The following COCH variants were observed in gnomAD, a reference collection of about 807,000 sequenced individuals.
COCH encodes coagulation factor C homolog, cochlin (Limulus polyphemus).
COCH carries 40 observed loss-of-function variants against 54.8 expected under a neutral mutation model. The ratio of observed to expected loss-of-function variants is 0.73; its 90% confidence interval spans 0.57 to 0.95. The LOEUF (loss-of-function observed/expected upper bound fraction) is 0.95. Among genes scored for constraint, COCH ranks in the 40% least tolerant of loss-of-function variants. The pLI, the probability that COCH is intolerant of heterozygous loss-of-function variation, is 0.00. For synonymous variants in COCH, 256 were observed against 237.9 expected, an observed-to-expected ratio of 1.08 and a Z score of -0.70; for missense variants, 605 against 675.0, an observed-to-expected ratio of 0.90 and a Z score of 1.15.
intron 8 of COCH, among the ~76,000 whole-genome samples, chr14:30,881,705 TCCCAG>T (rs1209646913): frequency 6.6e-6 from 1 of 152,148 alleles, no homozygotes; most frequent in Non-Finnish European, 1.5e-5. Context: ...ACGCCTGTAA[TCCCAG>T]CACTTTGGGA....
downstream of COCH, chr14:30,895,334 G>C: frequency 6.9e-7 from 1 of 1,444,358 alleles, no homozygotes; most frequent in Non-Finnish European, 9.2e-7. Context: ...TGTCATATCA[G>C]TAACCTTTCT....
downstream of COCH, chr14:30,894,619 T>C (rs530290836): frequency 6.4e-6 from 1 of 155,278 alleles, no homozygotes; most frequent in East Asian, 1.9e-4. Flanking sequence ...CCTTGGTTTA[T>C]GAAGACATTT....
At chr14:30,886,395 A>G in intron 11 of COCH, 83 bp downstream of exon 11, 1 of 1,450,488 alleles carries the variant, frequency 6.9e-7, no homozygotes, top group Non-Finnish European at 9.5e-7. Flanking sequence ...TTAAGCATTT[A>G]TTTCATTAAA....
chr14:30,894,205 ATCCTATTTGTAATGCAAATAAAACTTTAC>A (rs1298916903), downstream of COCH: 2 of 152,402 alleles, frequency 1.3e-5, 1 homozygote, highest in Admixed American at 1.3e-4. Context: ...CTATTTTTGT[ATCCTATTTGTAATGCAAATAAAACTTTAC>A]TCCAAATATT....
At chr14:30,888,564 T>A (rs1222130240) in intron 11 of COCH, among the ~76,000 whole-genome samples, 1 of 152,044 alleles carries the variant, frequency 6.6e-6, no homozygotes, top group Non-Finnish European at 1.5e-5. Flanking sequence ...GATGGATCGC[T>A]TGAGCCCTGG....
At chr14:30,880,153 C>A (rs1895520238) in intron 6 of COCH, among the ~76,000 whole-genome samples, 1 of 152,084 alleles carries the variant, frequency 6.6e-6, no homozygotes, top group African/African-American at 2.4e-5. Context: ...ATGACGATGG[C>A]AGTTTTAAAG....
At chr14:30,876,624 G>T (rs1180011185) in intron 3 of COCH, 1 of 152,134 alleles carries the variant, frequency 6.6e-6, no homozygotes, top group Non-Finnish European at 1.5e-5. Context: ...TCCTTAATGT[G>T]TGAGTTTAAG....
intron 4 of COCH, among the ~76,000 whole-genome samples, chr14:30,878,162 T>G (rs574063793): frequency 6.6e-6 from 1 of 152,328 alleles, no homozygotes; most frequent in South Asian, 2.1e-4. Context: ...TGTAGTAGAA[T>G]AGCCAGTATA....
intron 9 of COCH, chr14:30,885,121 T>C (rs989061391): frequency 5.2e-6 from 8 of 1,535,716 alleles, no homozygotes; most frequent in East Asian, 2.2e-5. Flanking sequence ...TAACTGGCGA[T>C]TGATGTGGGG....
Position 30,885,477 on chromosome 14 carries a change from T to A in COCH, c.817T>A (p.Phe273Ile). 6.2e-7 allele frequency: 1 copy of A among 1,614,046 alleles called. No homozygotes were observed. Among genetic ancestry groups the A allele is most frequent in the South Asian group, 1.1e-5 (1 of 91,082 alleles). Reference sequence around the variant, plus strand: ...AGGGATCCCCAAAGTGGTGGTGGTATTTATTGATGGTTGGCCTTCTGATGA... The same window carrying A: ...AGGGATCCCCAAAGTGGTGGTGGTAATTATTGATGGTTGGCCTTCTGATGA... ...RKGIPKVVVV[F>I]IDGWPSDDIE... The change falls in exon 10 of 12, where the codon TTT becomes ATT. Residue 273 changes from phenylalanine (F) to isoleucine (I), a missense_variant. Transcript: ENST00000396618.
At chr14:30,891,125 GTATAAGA>G (rs1465344135), downstream of COCH, among the ~76,000 whole-genome samples, 1 of 152,172 alleles carries the variant, frequency 6.6e-6, no homozygotes, top group Non-Finnish European at 1.5e-5. Flanking sequence ...TGATTAAACA[GTATAAGA>G]TATTTTTGAG....
rs763128337 is a variant in COCH, at chr14:30,885,008, A to C, written c.733+352A>C. On this transcript the variant is annotated intron_variant, in intron 9 of 11. Coordinates refer to ENST00000396618, the MANE Select transcript of COCH (RefSeq NM_004086.3). ...AGATGTGGCAGAAAGAATGAGTAGC[A>C]CTACCGTTGACTCTGAAGAGAGACT... 3 of 1,598,438 alleles carry C rather than the reference A, an allele frequency of 1.9e-6. No homozygotes were observed. In the South Asian group the frequency reaches 3.3e-5, roughly 18 times the overall value.
chr14:30,882,469 T>TA (rs1895646583), intron 8 of COCH, among the ~76,000 whole-genome samples: 2 of 152,118 alleles, frequency 1.3e-5, no homozygotes, highest in African/African-American at 4.8e-5. Context: ...GTATTATTTT[T>TA]TAAAAACTCA....
At chr14:30,882,083 C>G (rs1363093456) in intron 8 of COCH, among the ~76,000 whole-genome samples, 1 of 140,670 alleles carries the variant, frequency 7.1e-6, no homozygotes, top group Non-Finnish European at 1.5e-5. Context: ...AAGAAATGCT[C>G]TAAATCATAT....
At chr14:30,886,799 C>T (rs1253996880) in intron 11 of COCH, among the ~76,000 whole-genome samples, 1 of 152,134 alleles carries the variant, frequency 6.6e-6, no homozygotes, top group Non-Finnish European at 1.5e-5. Flanking sequence ...TGAGCTACAA[C>T]CTCCAACTAT....
At chr14:30,881,951 A>G (rs1035452595) in intron 8 of COCH, among the ~76,000 whole-genome samples, 2 of 151,422 alleles carry the variant, frequency 1.3e-5, no homozygotes, top group African/African-American at 2.4e-5. Flanking sequence ...GCAACAGAGC[A>G]AGACTCTGTT....
Position 30,885,487 on chromosome 14 carries a change from G to A in COCH, c.827G>A (p.Gly276Asp). 4 of 1,613,916 alleles carry A rather than the reference G, an allele frequency of 2.5e-6. No individual in the cohort carries two copies. Among genetic ancestry groups the A allele is most frequent in the Non-Finnish European group, 3.4e-6 (4 of 1,179,766 alleles). The change falls in exon 10 of 12, where the codon GGT becomes GAT. Residue 276 changes from glycine (G) to aspartate (D), a missense_variant. Coordinates refer to ENST00000396618, the MANE Select transcript of COCH (RefSeq NM_004086.3). The stretch of plus-strand genomic sequence containing the variant: ...AAAGTGGTGGTGGTATTTATTGATG[G>A]TTGGCCTTCTGATGACATCGAGGAA... ...IPKVVVVFID[G>D]WPSDDIEEAG...
chr14:30,892,551 G>T (rs752183877), downstream of COCH, among the ~76,000 whole-genome samples: 2 of 152,080 alleles, frequency 1.3e-5, no homozygotes, highest in Admixed American at 6.5e-5. Context: ...TGTAATCCCA[G>T]CCAGCACTTT....
chr14:30,889,555 C>G, intron 11 of COCH, 61 bp from the exon 12 acceptor site: 1 of 1,415,144 alleles, frequency 7.1e-7, no homozygotes, highest in Non-Finnish European at 1.0e-6. Flanking sequence ...AACATATAGA[C>G]ATAATTCCAT....
Sources: allele counts gnomAD v4.1 joint callset (sites outside exome capture counted in the v4.1 genomes callset), GRCh38; gene constraint gnomAD v4.1.1; transcripts MANE v1.5; gene names NCBI Gene and HGNC (gene_info 2026-07-23, HGNC 2026-07-21).